The following DERA variants were observed in gnomAD, a reference collection of about 807,000 sequenced individuals.
DERA encodes the protein deoxyribose-phosphate aldolase.
DERA carries 15 observed loss-of-function variants against 41.1 expected under a neutral mutation model. The ratio of observed to expected loss-of-function variants is 0.37; its 90% confidence interval spans 0.24 to 0.56. The LOEUF (loss-of-function observed/expected upper bound fraction) is 0.56. DERA is among the 20% of genes least tolerant of loss of function. DERA has a pLI of 0.81. For missense variants in DERA, 396 were observed against 403.4 expected (o/e 0.98, Z 0.16); for synonymous variants, 139 against 137.4 (o/e 1.01, Z -0.08).
chr12:15,965,522 C>T lies in DERA; in HGVS notation c.508+2575C>T, dbSNP rs915238134. The stretch of plus-strand genomic sequence containing the variant: ...TGTGTCCATGTGTTCTCATTAAGAG[C>T]CCCATTTTTTAAACCTGGCCCTTCA... On this transcript the variant is annotated intron_variant, in intron 5 of 8. Coordinates refer to ENST00000428559, the MANE Select transcript of DERA (RefSeq NM_015954.4). This position sits in a 1 kb window ranked among gnomAD's most constrained non-coding sequence, Gnocchi z 4.1. Among the ~76,000 whole-genome samples, 1 of 152,046 alleles carries T rather than the reference C, an allele frequency of 6.6e-6. No individual in the cohort carries two copies. The highest frequency in any genetic ancestry group is 6.6e-5 in the Admixed American group (1 of 15,254).
intron 1 of DERA, among the ~76,000 whole-genome samples, chr12:15,912,480 T>G (rs572195629): frequency 6.6e-5 from 10 of 152,358 alleles, no homozygotes; most frequent in African/African-American, 2.4e-4. Flanking sequence ...CTTGGATATC[T>G]GTGTATCCAG....
At chr12:16,023,769 G>A (rs905121788) in intron 6 of DERA, among the ~76,000 whole-genome samples, 2 of 152,096 alleles carry the variant, frequency 1.3e-5, no homozygotes, top group African/African-American at 4.8e-5. Flanking sequence ...GAGCCACCGC[G>A]CCCGGCCTCA....
chr12:16,023,473 CTT>C (rs58250786), intron 6 of DERA, among the ~76,000 whole-genome samples: 3,502 of 111,506 alleles, frequency 0.031, 49 homozygotes, highest in African/African-American at 0.12. Flanking sequence ...AACTCAAAGT[CTT>C]TTTTTTTTTT....
intron 4 of DERA, 169 bp from the exon 5 acceptor site, chr12:15,962,644 A>T: frequency 1.9e-6 from 1 of 519,510 alleles, no homozygotes; most frequent in East Asian, 3.0e-5. Flanking sequence ...TGCATAAGTG[A>T]TGTTCTTAAG....
At chr12:15,947,372 T>C (rs1260676743) in intron 1 of DERA, among the ~76,000 whole-genome samples, 3 of 152,212 alleles carry the variant, frequency 2.0e-5, no homozygotes, top group Non-Finnish European at 2.9e-5. Context: ...AAGGACTTGC[T>C]TTATGAATCT....
intron 1 of DERA, among the ~76,000 whole-genome samples, chr12:15,955,455 G>A (rs934400048): frequency 1.3e-5 from 2 of 152,160 alleles, no homozygotes; most frequent in South Asian, 2.1e-4. Context: ...AGATTTCATC[G>A]GCCTGACCCC....
rs552448445 is a variant in DERA, at chr12:15,957,324, G to GT, written c.129+297dup. Among the ~76,000 whole-genome samples the GT allele has an allele frequency of 1.3e-5, 2 of 152,136 alleles. No individual in the cohort carries two copies. The highest frequency in any genetic ancestry group is 2.9e-5 in the Non-Finnish European group (2 of 68,006). On this transcript the variant is annotated intron_variant, in intron 2 of 8. Coordinates refer to ENST00000428559, the MANE Select transcript of DERA (RefSeq NM_015954.4). This position sits in a 1 kb window ranked among gnomAD's most constrained non-coding sequence, Gnocchi z 4.8. Reference sequence around the variant, plus strand: ...CATATTTTCTCAACACATTTATTCAGTTTTTTAGACATGCCTTCTTTGGTT... The same window carrying GT: ...CATATTTTCTCAACACATTTATTCAGTTTTTTTAGACATGCCTTCTTTGGTT...
Position 15,989,684 on chromosome 12 carries a change from A to G in DERA, c.637+7248A>G, listed in dbSNP as rs578028944. Among the ~76,000 whole-genome samples, 4 of 152,210 alleles carry G rather than the reference A, an allele frequency of 2.6e-5. No individual in the cohort carries two copies. The highest frequency in any genetic ancestry group is 9.6e-5 in the African/African-American group (4 of 41,452). ...CCATTAATTTAGAATCAGAATCTCA[A>G]AGGGAAACCATTTGTCATTACATTC... On this transcript the variant is annotated intron_variant, in intron 6 of 8. Transcript: ENST00000428559. This position sits in a 1 kb window ranked among gnomAD's most constrained non-coding sequence, Gnocchi z 5.2.
rs1388600009 is a variant in DERA at position 15,918,087 on chromosome 12, C to A, written c.31+6673C>A. 6.6e-6 allele frequency among the ~76,000 whole-genome samples: 1 copy of A among 152,184 alleles called. No homozygotes were observed. On this transcript the variant is annotated intron_variant, in intron 1 of 8. Transcript: ENST00000428559. This position sits in a 1 kb window ranked among gnomAD's most constrained non-coding sequence, Gnocchi z 4.3. ...GGATTTATCCCAGTGTTCTCCCTTT[C>A]CATATTTGAAACACTCCACATGCTT... is the stretch of plus-strand genomic sequence containing the variant.
intron 5 of DERA, among the ~76,000 whole-genome samples, chr12:15,969,543 C>A (rs558821748): frequency 6.6e-6 from 1 of 152,222 alleles, no homozygotes; most frequent in Non-Finnish European, 1.5e-5. Context: ...GCCTCATGTA[C>A]TTTTCATCTC....
At chr12:15,939,060 C>T (rs918394102) in intron 1 of DERA, among the ~76,000 whole-genome samples, 6 of 152,150 alleles carry the variant, frequency 3.9e-5, no homozygotes, top group African/African-American at 1.4e-4. Flanking sequence ...TCTACAGCTG[C>T]TTCAACAATT....
At chr12:15,925,366 CTTA>C (rs1460818694) in intron 1 of DERA, among the ~76,000 whole-genome samples, 2 of 151,772 alleles carry the variant, frequency 1.3e-5, no homozygotes, top group African/African-American at 4.8e-5. Context: ...AAATTTTCTT[CTTA>C]TTATTTTGAA....
chr12:15,955,317 C>G (rs1402288240), intron 1 of DERA, among the ~76,000 whole-genome samples: 2 of 151,574 alleles, frequency 1.3e-5, no homozygotes, highest in Admixed American at 1.3e-4. Context: ...AAAAGAGGCT[C>G]CCCTGCGTTT....
At position 15,948,479 on chromosome 12, in the gene DERA, G is replaced by C. The variant is rs528135318; in HGVS notation, c.32-8457G>C. Among the ~76,000 whole-genome samples, 4 of 152,232 alleles carry C rather than the reference G, an allele frequency of 2.6e-5. No homozygotes were observed. In the East Asian group the frequency reaches 5.8e-4, roughly 22 times the overall value. On this transcript the variant is annotated intron_variant, in intron 1 of 8. Transcript: ENST00000428559. Reference sequence around the variant, plus strand: ...TGAATCATTGATACCCTTTCTTCCAGTTGATCGAATCAGCTACTGAAGCTT... The same window carrying C: ...TGAATCATTGATACCCTTTCTTCCACTTGATCGAATCAGCTACTGAAGCTT...
Position 15,959,272 on chromosome 12 carries a change from T to C in DERA, c.278-557T>C, listed in dbSNP as rs746656438. Among the ~76,000 whole-genome samples, 1 of 152,226 alleles carries C rather than the reference T, an allele frequency of 6.6e-6. No individual in the cohort carries two copies. The highest frequency in any genetic ancestry group is 1.5e-5 in the Non-Finnish European group (1 of 68,046). The stretch of plus-strand genomic sequence containing the variant: ...TAAGGTCTTATGATATTGCTTTGTT[T>C]TATAGTGACTATTTGAATTCTAAAT... On this transcript the variant is annotated intron_variant, in intron 3 of 8. Coordinates refer to ENST00000428559, the MANE Select transcript of DERA (RefSeq NM_015954.4). The surrounding 1 kb of genome is among the most constrained non-coding windows in gnomAD (Gnocchi z 4.5).
intron 1 of DERA, among the ~76,000 whole-genome samples, chr12:15,949,466 G>A (rs1304470714): frequency 8.4e-6 from 1 of 119,608 alleles, no homozygotes; most frequent in Non-Finnish European, 1.9e-5. Context: ...CTAGCAATGA[G>A]CAAGGCTCCG....
chr12:16,034,987 C>T (rs920397507), intron 7 of DERA, among the ~76,000 whole-genome samples: 7 of 151,794 alleles, frequency 4.6e-5, no homozygotes, highest in Non-Finnish European at 1.0e-4. Context: ...AGAGTAATAG[C>T]AGATATGGTT....
rs34468299 is a variant in DERA at position 15,996,157 on chromosome 12, A to ATGTGTGTGTGTGTGTG, written c.637+13741_637+13756dup. ...GCAGACACAGACACACACACAGAGC[A>ATGTGTGTGTGTGTGTG]TGTGTGTGTGTGTGTGTGTGTGTGT... On this transcript the variant is annotated intron_variant, in intron 6 of 8. Transcript: ENST00000428559. The surrounding 1 kb of genome is among the most constrained non-coding windows in gnomAD (Gnocchi z 4.7). Among the ~76,000 whole-genome samples the ATGTGTGTGTGTGTGTG allele has an allele frequency of 8.3e-5, 12 of 145,034 alleles. No individual in the cohort carries two copies. Among genetic ancestry groups the ATGTGTGTGTGTGTGTG allele is most frequent in the African/African-American group, 2.8e-4 (11 of 39,476 alleles).
At chr12:15,930,941 G>A (rs939723166) in intron 1 of DERA, among the ~76,000 whole-genome samples, 2 of 152,036 alleles carry the variant, frequency 1.3e-5, no homozygotes, top group Non-Finnish European at 2.9e-5. Context: ...GTGGTAATAG[G>A]GCAGTAAGTT....
Sources: gnomAD v4.1 joint callset for allele counts (sites outside exome capture counted in the v4.1 genomes callset) on GRCh38, gnomAD v4.1.1 for gene constraint, Gnocchi (gnomAD v3.1) non-coding constraint, MANE v1.5 for transcripts, NCBI Gene and HGNC (gene_info 2026-07-23, HGNC 2026-07-21) for gene names.